Variants in MGMT observed in about 807,000 individuals in gnomAD.
MGMT encodes the protein methylated-DNA--protein-cysteine methyltransferase.
MGMT carries 14 observed loss-of-function variants against 15.9 expected under a neutral mutation model. That is an observed-to-expected ratio of 0.88 (90% CI 0.58 to 1.37). The LOEUF (loss-of-function observed/expected upper bound fraction) is 1.37, where lower values mean the gene tolerates loss of function less well. Ranked by LOEUF, MGMT falls within the 40% of genes most tolerant of loss-of-function variation. The pLI is 0.00. For missense variants in MGMT, 282 were observed against 268.1 expected (o/e 1.05, Z -0.36); for synonymous variants, 130 against 118.2 (o/e 1.10, Z -0.65).
chr10:129,766,580 G>T (rs1274280157), intron 4 of MGMT, among the ~76,000 whole-genome samples: 6 of 152,206 alleles, frequency 3.9e-5, no homozygotes, highest in Admixed American at 3.9e-4. Flanking sequence ...CCCAACCCGT[G>T]CTGAGACCCC....
intron 2 of MGMT, among the ~76,000 whole-genome samples, chr10:129,546,717 A>G (rs1232623929): frequency 6.6e-6 from 1 of 152,118 alleles, no homozygotes; most frequent in African/African-American, 2.4e-5. Context: ...TCTCCTCTCC[A>G]TGGCAGAGCA....
intron 1 of MGMT, among the ~76,000 whole-genome samples, chr10:129,480,379 A>G (rs1845344278): frequency 1.3e-5 from 2 of 152,220 alleles, no homozygotes; most frequent in East Asian, 1.9e-4. Context: ...TATGCCTTGC[A>G]CTTTGAGTGA....
At chr10:129,745,371 C>T (rs1047231314) in intron 3 of MGMT, among the ~76,000 whole-genome samples, 4 of 152,036 alleles carry the variant, frequency 2.6e-5, no homozygotes, top group Admixed American at 1.3e-4. Context: ...ACCTGGACAC[C>T]CCCACGCCGC....
intron 2 of MGMT, among the ~76,000 whole-genome samples, chr10:129,594,160 G>A (rs930972142): frequency 4.6e-5 from 7 of 152,204 alleles, no homozygotes; most frequent in Admixed American, 6.5e-5. Context: ...TCTGGCTGAT[G>A]CATGAGGCTA....
In MGMT at chr10:129,768,464, G is replaced by A. The variant is rs751963754; in HGVS notation, c.*1467G>A. 8.5e-5 allele frequency among the ~76,000 whole-genome samples: 13 copies of A among 152,330 alleles called. No individual in the cohort carries two copies. Among genetic ancestry groups the A allele is most frequent in the East Asian group, 1.9e-4 (1 of 5,180 alleles). On this transcript the variant is annotated 3_prime_UTR_variant, in exon 5 of 5. Coordinates refer to ENST00000651593, the MANE Select transcript of MGMT (RefSeq NM_002412.5). ...TGGCAGGCCTCAGGTGCCGCACGCC[G>A]CGTCACCGTCAGGACTCGCAGGCTG...
chr10:129,481,479 C>T (rs530614748), intron 1 of MGMT, among the ~76,000 whole-genome samples: 33 of 152,252 alleles, frequency 2.2e-4, no homozygotes, highest in African/African-American at 7.7e-4. Flanking sequence ...GAGGCCTCTT[C>T]TATATTTTGG....
At chr10:129,754,134 T>C (rs1848779650) in intron 3 of MGMT, among the ~76,000 whole-genome samples, 1 of 151,914 alleles carries the variant, frequency 6.6e-6, no homozygotes, top group Non-Finnish European at 1.5e-5. Flanking sequence ...CACATGTGCA[T>C]AGGCGGGGAA....
intron 2 of MGMT, among the ~76,000 whole-genome samples, chr10:129,677,986 A>G (rs1204913872): frequency 1.3e-5 from 2 of 152,342 alleles, no homozygotes; most frequent in Non-Finnish European, 2.9e-5. Flanking sequence ...CCATGAGGTC[A>G]TAAAGTTACC....
intron 3 of MGMT, among the ~76,000 whole-genome samples, chr10:129,726,853 T>C (rs1848440120): frequency 1.3e-5 from 2 of 152,218 alleles, no homozygotes; most frequent in Non-Finnish European, 2.9e-5. Flanking sequence ...CCTGTCCTCA[T>C]GTCCTTTCTG....
At chr10:129,654,698 T>C (rs781710046) in intron 2 of MGMT, among the ~76,000 whole-genome samples, 8 of 151,722 alleles carry the variant, frequency 5.3e-5, no homozygotes, top group Non-Finnish European at 8.8e-5. Context: ...CCTCTTGAGG[T>C]ATGAGGAAGG....
At chr10:129,674,133 G>A (rs775361369) in intron 2 of MGMT, among the ~76,000 whole-genome samples, 2 of 152,144 alleles carry the variant, frequency 1.3e-5, no homozygotes, top group African/African-American at 2.4e-5. Context: ...ATTCTTTCAT[G>A]TCATCATAAG....
intron 2 of MGMT, among the ~76,000 whole-genome samples, chr10:129,610,737 C>G (rs1266188675): frequency 1.3e-5 from 2 of 152,194 alleles, no homozygotes; most frequent in African/African-American, 2.4e-5. Context: ...ACCTGCAAAT[C>G]TAAAATGTGT....
intron 1 of MGMT, among the ~76,000 whole-genome samples, chr10:129,492,639 T>C (rs1408328760): frequency 6.6e-6 from 1 of 152,220 alleles, no homozygotes; most frequent in Non-Finnish European, 1.5e-5. Context: ...GGAGTGGCTT[T>C]GTGTGGACTG....
At chr10:129,554,105 C>T (rs1219003897) in intron 2 of MGMT, among the ~76,000 whole-genome samples, 1 of 152,222 alleles carries the variant, frequency 6.6e-6, no homozygotes, top group African/African-American at 2.4e-5. Context: ...ATGGGGAGAG[C>T]TGGGCACCTG....
intron 1 of MGMT, among the ~76,000 whole-genome samples, chr10:129,494,699 C>T (rs910350032): frequency 2.6e-5 from 4 of 152,218 alleles, no homozygotes; most frequent in African/African-American, 9.6e-5. Context: ...TAAGTAGCCA[C>T]ATGTGGCTAA....
intron 2 of MGMT, among the ~76,000 whole-genome samples, chr10:129,611,660 G>A (rs1846961872): frequency 6.6e-6 from 1 of 152,224 alleles, no homozygotes; most frequent in African/African-American, 2.4e-5. Flanking sequence ...CTGTCCTGCA[G>A]GGAACTCTGG....
chr10:129,693,469 G>A (rs959410063), intron 2 of MGMT, among the ~76,000 whole-genome samples: 1 of 152,186 alleles, frequency 6.6e-6, no homozygotes, highest in Non-Finnish European at 1.5e-5. Flanking sequence ...TTGGCCGGAA[G>A]CATAACTCTA....
At position 129,555,437 on chromosome 10, in the gene MGMT, G is replaced by A. The variant is rs1358867990; in HGVS notation, c.125+19060G>A. 2.6e-5 allele frequency among the ~76,000 whole-genome samples: 4 copies of A among 152,282 alleles called. No individual in the cohort carries two copies. In the South Asian group the frequency reaches 6.2e-4, roughly 24 times the overall value. ...AATTGTAAAGATCCATAGGCCGGGC[G>A]TGGTGGCTCACACCTGTAATCCCAG... On this transcript the variant is annotated intron_variant, in intron 2 of 4. Transcript: ENST00000651593.
At chr10:129,638,429 CAAAAA>C in intron 2 of MGMT, among the ~76,000 whole-genome samples, 31 of 61,790 alleles carry the variant, frequency 5.0e-4, no homozygotes, top group African/African-American at 1.6e-3. Flanking sequence ...ACCAAAGAGG[CAAAAA>C]AAAAAAAAAA....
Sources: allele counts gnomAD v4.1 joint callset (sites outside exome capture counted in the v4.1 genomes callset), GRCh38; gene constraint gnomAD v4.1.1; transcripts MANE v1.5; gene names NCBI Gene and HGNC (gene_info 2026-07-23, HGNC 2026-07-21).